LHCGR: variants seen among roughly 807,000 people sequenced by gnomAD.
The protein encoded by LHCGR is lutropin-choriogonadotropic hormone receptor.
Under a neutral mutation model 60.7 loss-of-function variants are expected in LHCGR, and 55 were observed. That is an observed-to-expected ratio of 0.91 (90% CI 0.73 to 1.13). The LOEUF is 1.13. Among genes scored for constraint, LHCGR ranks in the 50% most tolerant of loss-of-function variants. LHCGR has a pLI of 0.00. For missense variants in LHCGR, 862 were observed against 836.0 expected (o/e 1.03, Z -0.38); for synonymous variants, 337 against 316.5 (o/e 1.06, Z -0.69).
At position 48,728,272 on chromosome 2, in the gene LHCGR, G is replaced by A. The variant is rs186547679; in HGVS notation, c.308+881C>T. ...CTCCATTCCTTCCCCTGGACGAAAG[G>A]GATAATTACCCCCACTCTGCATGGT... is the stretch of plus-strand genomic sequence containing the variant. On this transcript the variant is annotated intron_variant, in intron 3 of 10. Transcript: ENST00000294954. Among the ~76,000 whole-genome samples, 650 of 152,064 alleles carry A rather than the reference G, an allele frequency of 4.3e-3. 3 individuals are homozygous for A. Among genetic ancestry groups the A allele is most frequent in the Middle Eastern group, 6.8e-3 (2 of 294 alleles).
intron 1 of LHCGR, among the ~76,000 whole-genome samples, chr2:48,755,028 C>G (rs1670143764): frequency 6.6e-6 from 1 of 152,082 alleles, no homozygotes; most frequent in African/African-American, 2.4e-5. Flanking sequence ...TGCCAGCAGT[C>G]AGTTGACAGA....
intron 1 of LHCGR, among the ~76,000 whole-genome samples, chr2:48,738,286 T>TGAA (rs1211821812): frequency 3.3e-5 from 5 of 152,190 alleles, no homozygotes; most frequent in Non-Finnish European, 7.3e-5. Flanking sequence ...GAACATTTCC[T>TGAA]CTGTTCTCCC....
At chr2:48,741,617 A>C (rs2103687402) in intron 1 of LHCGR, among the ~76,000 whole-genome samples, 2 of 151,842 alleles carry the variant, frequency 1.3e-5, no homozygotes, top group Middle Eastern at 3.4e-3. Context: ...GGAGAAATAA[A>C]ATACTTTACA....
intron 1 of LHCGR, among the ~76,000 whole-genome samples, chr2:48,743,856 G>T (rs1323338955): frequency 6.0e-5 from 9 of 150,934 alleles, no homozygotes; most frequent in African/African-American, 2.0e-4. Context: ...CAATTAGGCA[G>T]GAGAAGGAAA....
At chr2:48,705,281 A>T (rs2104409446) in intron 8 of LHCGR, among the ~76,000 whole-genome samples, 1 of 152,270 alleles carries the variant, frequency 6.6e-6, no homozygotes, top group East Asian at 1.9e-4. Context: ...CTGTTCTTTT[A>T]CATTTGGTGA....
intron 1 of LHCGR, among the ~76,000 whole-genome samples, chr2:48,747,226 C>G (rs779077653): frequency 2.0e-5 from 3 of 151,974 alleles, no homozygotes; most frequent in Admixed American, 6.6e-5. Context: ...GTAGCTGGGA[C>G]TACAGGCAAG....
intron 7 of LHCGR, among the ~76,000 whole-genome samples, chr2:48,709,982 C>T (rs1251217501): frequency 2.0e-5 from 3 of 152,198 alleles, no homozygotes; most frequent in Non-Finnish European, 2.9e-5. Context: ...CAGTGTGCAT[C>T]TACCGTTGAT....
Position 48,686,922 on chromosome 2 carries a change from G to A in LHCGR, c.*775C>T, listed in dbSNP as rs1679921293. The stretch of plus-strand genomic sequence containing the variant: ...CATTGCCAAGATCTTGAGGTAGGAA[G>A]CAGGAAAACAAAATGCACTGAGACA... On this transcript the variant is annotated 3_prime_UTR_variant, in exon 11 of 11. Coordinates refer to ENST00000294954, the MANE Select transcript of LHCGR (RefSeq NM_000233.4). 6.6e-6 allele frequency: 1 copy of A among 152,160 alleles called. No individual in the cohort carries two copies. Among genetic ancestry groups the A allele is most frequent in the Admixed American group, 6.5e-5 (1 of 15,274 alleles). The allele number at this position is 152,160 out of a possible 1,614,324, so 9.4% of individuals were successfully genotyped here. A position where few individuals can be genotyped will look rare whatever the true frequency, so the allele number is the denominator to read the frequency against.
At chr2:48,689,598 A>G (rs1415698729) in intron 10 of LHCGR, among the ~76,000 whole-genome samples, 1 of 152,230 alleles carries the variant, frequency 6.6e-6, no homozygotes, top group East Asian at 1.9e-4. Context: ...CTTTAGGGGT[A>G]TGAGTCAAAG....
intron 6 of LHCGR, 60 bp from the exon 7 acceptor site, chr2:48,714,114 C>G: frequency 1.7e-6 from 2 of 1,194,546 alleles, no homozygotes; most frequent in Non-Finnish European, 1.2e-6. Flanking sequence ...AGTTTGGAAA[C>G]ACATTTTTCC....
At chr2:48,701,153 GAC>G (rs1348545916) in intron 8 of LHCGR, among the ~76,000 whole-genome samples, 1 of 152,122 alleles carries the variant, frequency 6.6e-6, no homozygotes, top group Non-Finnish European at 1.5e-5. Flanking sequence ...CTAGGAAGTA[GAC>G]AGACTTTGGG....
chr2:48,718,241 A>G (rs1256773752), intron 6 of LHCGR, among the ~76,000 whole-genome samples: 1 of 152,180 alleles, frequency 6.6e-6, no homozygotes, highest in Non-Finnish European at 1.5e-5. Flanking sequence ...ACTTTAAAGC[A>G]TTGTCTAGGT....
intron 10 of LHCGR, among the ~76,000 whole-genome samples, chr2:48,689,195 TATAC>T (rs573936208): frequency 6.5e-4 from 98 of 151,556 alleles, no homozygotes; most frequent in South Asian, 3.7e-3. Flanking sequence ...ATATATATAC[TATAC>T]ATACATACAT....
At chr2:48,749,034 G>A (rs1285324101) in intron 1 of LHCGR, among the ~76,000 whole-genome samples, 2 of 152,230 alleles carry the variant, frequency 1.3e-5, no homozygotes, top group African/African-American at 4.8e-5. Flanking sequence ...AGGAACCCAG[G>A]AGTAGCGTAA....
intron 6 of LHCGR, chr2:48,721,551 A>G (rs1322002041): frequency 1.1e-5 from 4 of 350,196 alleles, no homozygotes; most frequent in African/African-American, 4.3e-5. Context: ...TTGTAACATG[A>G]CAATTATACA....
intron 1 of LHCGR, among the ~76,000 whole-genome samples, chr2:48,741,372 T>G (rs983951375): frequency 1.3e-5 from 2 of 151,946 alleles, no homozygotes; most frequent in African/African-American, 2.4e-5. Context: ...GAAGAGCAAC[T>G]CCAAGACACA....
At chr2:48,707,680 CA>C (rs1409056923) in intron 8 of LHCGR, among the ~76,000 whole-genome samples, 1 of 152,248 alleles carries the variant, frequency 6.6e-6, no homozygotes, top group Non-Finnish European at 1.5e-5. Context: ...TTTGTTTACA[CA>C]GTGTGCATAA....
At chr2:48,747,857 T>C (rs1464929431) in intron 1 of LHCGR, among the ~76,000 whole-genome samples, 1 of 152,172 alleles carries the variant, frequency 6.6e-6, no homozygotes, top group Non-Finnish European at 1.5e-5. Flanking sequence ...GGTTTCCAGG[T>C]TGAAGTAATC....
At chr2:48,706,747 T>TTA (rs1303071995) in intron 8 of LHCGR, among the ~76,000 whole-genome samples, 1 of 152,196 alleles carries the variant, frequency 6.6e-6, no homozygotes, top group Non-Finnish European at 1.5e-5. Flanking sequence ...GTCACGTCAT[T>TTA]TATGTTCTTT....
Sources: allele counts gnomAD v4.1 joint callset (sites outside exome capture counted in the v4.1 genomes callset), GRCh38; gene constraint gnomAD v4.1.1; transcripts MANE v1.5; gene names NCBI Gene and HGNC (gene_info 2026-07-23, HGNC 2026-07-21).